The following ARMC3 variants were observed in gnomAD, a reference collection of about 807,000 sequenced individuals.
ARMC3 encodes the protein armadillo repeat containing 3.
In ARMC3, 74 loss-of-function variants were observed where a neutral mutation model predicts 90.3. That is an observed-to-expected ratio of 0.82 (90% CI 0.68 to 0.99). ARMC3 has a LOEUF of 0.99. Ranked by LOEUF, ARMC3 falls within the 50% of genes least tolerant of loss-of-function variation. ARMC3 has a pLI of 0.00. For missense variants in ARMC3, 958 were observed against 1,042.8 expected (o/e 0.92, Z 1.12); for synonymous variants, 334 against 361.8 (o/e 0.92, Z 0.87).
At chr10:23,014,737 G>T (rs1457881302) in intron 16 of ARMC3, among the ~76,000 whole-genome samples, 1 of 152,018 alleles carries the variant, frequency 6.6e-6, no homozygotes, top group Non-Finnish European at 1.5e-5. Context: ...ACTTATAAGT[G>T]GGAGCTAAAT....
intron 2 of ARMC3, among the ~76,000 whole-genome samples, chr10:22,934,566 G>T (rs1282545824): frequency 1.3e-5 from 2 of 152,174 alleles, no homozygotes; most frequent in African/African-American, 4.8e-5. Flanking sequence ...AGTATAAGGC[G>T]AGATATTCAG....
chr10:23,014,253 G>A, intron 16 of ARMC3: 1 of 1,497,754 alleles, frequency 6.7e-7, no homozygotes, highest in African/African-American at 1.4e-5. Context: ...TCAAAGAGCT[G>A]CTGTAAGAGG....
intron 2 of ARMC3, among the ~76,000 whole-genome samples, 161 bp from the exon 3 acceptor site, chr10:22,945,983 G>T (rs1450400464): frequency 6.6e-6 from 1 of 152,164 alleles, no homozygotes; most frequent in African/African-American, 2.4e-5. Context: ...TTCTCTAGCG[G>T]TTGATGTATT....
chr10:22,979,778 GA>G (rs1340940309), intron 8 of ARMC3, among the ~76,000 whole-genome samples: 2 of 152,106 alleles, frequency 1.3e-5, no homozygotes, highest in South Asian at 2.1e-4. Flanking sequence ...GCTTTTTTAT[GA>G]AAAAAAGTTA....
At chr10:23,010,255 C>A (rs574378174) in intron 16 of ARMC3, among the ~76,000 whole-genome samples, 1 of 144,366 alleles carries the variant, frequency 6.9e-6, no homozygotes, top group East Asian at 2.1e-4. Flanking sequence ...CATCCCTGTT[C>A]TTCTCTTCCT....
chr10:22,994,263 G>T (rs1202352366), intron 10 of ARMC3, among the ~76,000 whole-genome samples: 1 of 152,094 alleles, frequency 6.6e-6, no homozygotes, highest in Non-Finnish European at 1.5e-5. Context: ...CCCTGATGTG[G>T]GAAAGAGCCT....
chr10:22,978,608 A>G (rs1836044558), intron 8 of ARMC3, among the ~76,000 whole-genome samples: 1 of 152,234 alleles, frequency 6.6e-6, no homozygotes, highest in African/African-American at 2.4e-5. Flanking sequence ...AGCCAGCTTC[A>G]TCAGACATGT....
Position 22,976,825 on chromosome 10 carries a change from T to G in ARMC3, c.917-4515T>G, listed in dbSNP as rs115346318. The stretch of plus-strand genomic sequence containing the variant: ...TTGACAATCTGAACAAAGAGTAACC[T>G]TCTGAAAATGCACAAATACACTACA... On this transcript the variant is annotated intron_variant, in intron 8 of 18. Coordinates refer to ENST00000298032, the MANE Select transcript of ARMC3 (RefSeq NM_173081.5). Among the ~76,000 whole-genome samples, 409 of 152,294 alleles carry G rather than the reference T, an allele frequency of 2.7e-3. 6 individuals carry two copies. The highest frequency in any genetic ancestry group is 8.5e-3 in the African/African-American group (354 of 41,548).
chr10:22,984,350 G>A (rs1012079772), intron 10 of ARMC3, among the ~76,000 whole-genome samples: 17 of 152,020 alleles, frequency 1.1e-4, no homozygotes, highest in Admixed American at 7.2e-4. Context: ...TTATGTAATA[G>A]GTTTTTGCTT....
chr10:22,999,482 C>T (rs757036710), intron 11 of ARMC3, among the ~76,000 whole-genome samples: 13 of 152,208 alleles, frequency 8.5e-5, no homozygotes, highest in Non-Finnish European at 1.5e-4. Flanking sequence ...TTTCATGTCA[C>T]CATGGCACTC....
intron 6 of ARMC3, 167 bp downstream of exon 6, chr10:22,959,741 A>G (rs1835113611): frequency 4.3e-6 from 3 of 705,422 alleles, no homozygotes; most frequent in African/African-American, 1.8e-5. Flanking sequence ...CTTAATGTAG[A>G]TAATCTTTCA....
intron 16 of ARMC3, among the ~76,000 whole-genome samples, chr10:23,026,528 A>G (rs1371758788): frequency 1.3e-5 from 2 of 152,170 alleles, no homozygotes; most frequent in East Asian, 1.9e-4. Flanking sequence ...GCAAAATTCA[A>G]CATCTACTTA....
chr10:22,964,302 C>G lies in ARMC3; in HGVS notation c.732+2224C>G, dbSNP rs186689951. Among the ~76,000 whole-genome samples, 724 of 152,228 alleles carry G rather than the reference C, an allele frequency of 4.8e-3. 2 individuals carry two copies. Among genetic ancestry groups the G allele is most frequent in the Non-Finnish European group, 8.4e-3 (570 of 68,028 alleles). ...ATGGACTGAACACATATTAATATGT[C>G]AGTTTCCACTTAATTACCTTTTGAT... On this transcript the variant is annotated intron_variant, in intron 7 of 18. Transcript: ENST00000298032.
chr10:22,948,624 A>ACAT (rs1047884682), intron 3 of ARMC3, among the ~76,000 whole-genome samples: 1 of 152,108 alleles, frequency 6.6e-6, no homozygotes, highest in Non-Finnish European at 1.5e-5. Context: ...AAGACCATCA[A>ACAT]CATCAGACAA....
chr10:22,975,411 A>G (rs898231171), intron 8 of ARMC3, among the ~76,000 whole-genome samples: 1 of 152,126 alleles, frequency 6.6e-6, no homozygotes, highest in African/African-American at 2.4e-5. Context: ...AAAAATACAA[A>G]AAAATTAGCC....
At chr10:22,998,850 C>T (rs1375813788) in intron 11 of ARMC3, among the ~76,000 whole-genome samples, 1 of 152,206 alleles carries the variant, frequency 6.6e-6, no homozygotes, top group Non-Finnish European at 1.5e-5. Flanking sequence ...TAGAAAAATA[C>T]ATACTTATGA....
chr10:22,942,500 T>A (rs1293841166), intron 2 of ARMC3, among the ~76,000 whole-genome samples: 1 of 152,170 alleles, frequency 6.6e-6, no homozygotes, highest in African/African-American at 2.4e-5. Flanking sequence ...CAGGCATTTC[T>A]CCAGCTACAA....
At chr10:22,938,617 T>C (rs1834204715) in intron 2 of ARMC3, among the ~76,000 whole-genome samples, 1 of 152,124 alleles carries the variant, frequency 6.6e-6, no homozygotes, top group South Asian at 2.1e-4. Context: ...AAGGTCGAGC[T>C]GGCAGGATGT....
intron 3 of ARMC3, among the ~76,000 whole-genome samples, chr10:22,951,039 G>A (rs1282268778): frequency 2.7e-5 from 4 of 150,554 alleles, no homozygotes; most frequent in South Asian, 4.2e-4. Flanking sequence ...CCGGCTTCAC[G>A]CCATTCTCCT....
Sources: allele counts gnomAD v4.1 joint callset (sites outside exome capture counted in the v4.1 genomes callset), GRCh38; gene constraint gnomAD v4.1.1; transcripts MANE v1.5; gene names NCBI Gene and HGNC (gene_info 2026-07-23, HGNC 2026-07-21).